The following GATA4 variants were observed in gnomAD, a reference collection of about 807,000 sequenced individuals.
GATA4 encodes the protein transcription factor GATA-4.
In GATA4, 7 loss-of-function variants were observed where a neutral mutation model predicts 37.9. That is an observed-to-expected ratio of 0.18 (90% CI 0.11 to 0.35). The LOEUF is 0.35. Among genes scored for constraint, GATA4 ranks in the 10% least tolerant of loss-of-function variants. The probability of loss-of-function intolerance (pLI) is 1.00; values close to 1 mark genes in which losing one functional copy is unlikely to be tolerated. For missense variants in GATA4, 647 were observed against 653.0 expected (o/e 0.99, Z 0.10); for synonymous variants, 372 against 292.6 (o/e 1.27, Z -2.77).
intron 2 of GATA4, among the ~76,000 whole-genome samples, chr8:11,715,677 G>C (rs898894132): frequency 1.3e-5 from 2 of 151,418 alleles, no homozygotes; most frequent in African/African-American, 4.9e-5. Flanking sequence ...GGAGTTGGAG[G>C]TTGCAGTGAG....
chr8:11,691,661 A>C (rs1799318667), upstream of GATA4, among the ~76,000 whole-genome samples: 1 of 152,172 alleles, frequency 6.6e-6, no homozygotes, highest in Non-Finnish European at 1.5e-5. Flanking sequence ...CTCTGGTGGC[A>C]GTCGTGGGAT....
chr8:11,710,143 G>A (rs62489320), intron 2 of GATA4, among the ~76,000 whole-genome samples: 2,906 of 152,252 alleles, frequency 0.019, 58 homozygotes, highest in African/African-American at 0.057. Flanking sequence ...GGCCCTGGGT[G>A]GCCAGGGAAG....
chr8:11,756,029 A>C (rs1315735917), intron 5 of GATA4, among the ~76,000 whole-genome samples: 1 of 151,832 alleles, frequency 6.6e-6, no homozygotes, highest in Non-Finnish European at 1.5e-5. Flanking sequence ...AAAATTATAT[A>C]TAAATTTCTG....
At chr8:11,693,562 C>CACAGAGAGAGAG (rs1405047773) in intron 1 of GATA4, among the ~76,000 whole-genome samples, 11 of 72,228 alleles carry the variant, frequency 1.5e-4, no homozygotes, top group South Asian at 7.2e-4. Context: ...CACACACACA[C>CACAGAGAGAGAG]AGAGAGAGAG....
Position 11,714,532 on chromosome 8 carries a change from C to T in GATA4, c.616+5604C>T, listed in dbSNP as rs533975897. Among the ~76,000 whole-genome samples the T allele has an allele frequency of 2.9e-4, 44 of 152,218 alleles. 1 individual carries two copies. In the South Asian group the frequency reaches 7.7e-3, roughly 27 times the overall value. Reference sequence around the variant, plus strand: ...GGAAAACCAAAGTTGTTTAACTTTCCGGTTACCACCCTGAGCAGGTCAGTC... The same window carrying T: ...GGAAAACCAAAGTTGTTTAACTTTCTGGTTACCACCCTGAGCAGGTCAGTC... On this transcript the variant is annotated intron_variant, in intron 2 of 6. Coordinates refer to ENST00000532059, the MANE Select transcript of GATA4 (RefSeq NM_001308093.3).
chr8:11,703,872 G>A (rs1167178028), upstream of GATA4, among the ~76,000 whole-genome samples: 9 of 152,310 alleles, frequency 5.9e-5, 1 homozygote, highest in African/African-American at 2.2e-4. Flanking sequence ...CCGCCGCTGC[G>A]GGATGAGGAC....
rs2130058371 is a variant in GATA4, at chr8:11,707,079, C to T, written c.-457-777C>T. On this transcript the variant is annotated intron_variant, in intron 1 of 6. Coordinates refer to ENST00000532059, the MANE Select transcript of GATA4 (RefSeq NM_001308093.3). This position sits in a 1 kb window ranked among gnomAD's most constrained non-coding sequence, Gnocchi z 4.7. ...TATTATTCTATATGAAGAACCCATT[C>T]AGTGAATTAGAATGGTCCAGTGGGT... Among the ~76,000 whole-genome samples the T allele has an allele frequency of 6.6e-6, 1 of 152,304 alleles. No individual in the cohort carries two copies. The highest frequency in any genetic ancestry group is 3.4e-3 in the Middle Eastern group (1 of 294).
At chr8:11,756,825 A>G in intron 5 of GATA4, 110 bp from the exon 6 acceptor site, 1 of 1,448,012 alleles carries the variant, frequency 6.9e-7, no homozygotes, top group Admixed American at 1.7e-5. Flanking sequence ...TGTCCCCGGC[A>G]AATGTAGATA....
At chr8:11,750,364 G>C in intron 4 of GATA4, 128 bp downstream of exon 4, 4 of 1,318,692 alleles carry the variant, frequency 3.0e-6, no homozygotes, top group Non-Finnish European at 4.2e-6. Flanking sequence ...ATTTGGAAGG[G>C]GCTTTCAACT....
At chr8:11,718,125 A>AT (rs1351961079) in intron 2 of GATA4, among the ~76,000 whole-genome samples, 1 of 152,204 alleles carries the variant, frequency 6.6e-6, no homozygotes, top group Non-Finnish European at 1.5e-5. Context: ...AATAATGATG[A>AT]TTTTAGTAAA....
intron 1 of GATA4, among the ~76,000 whole-genome samples, chr8:11,686,131 C>G (rs957000331): frequency 1.3e-5 from 2 of 151,850 alleles, no homozygotes; most frequent in African/African-American, 4.8e-5. Flanking sequence ...TGGGATGGAG[C>G]TGGGGGAGAG....
At chr8:11,742,983 G>GC (rs1392396572) in intron 2 of GATA4, among the ~76,000 whole-genome samples, 2 of 152,192 alleles carry the variant, frequency 1.3e-5, no homozygotes, top group African/African-American at 4.8e-5. Flanking sequence ...CTGGGGTCTG[G>GC]CCTTTTCCAA....
chr8:11,711,966 C>T (rs1445431259), intron 2 of GATA4, among the ~76,000 whole-genome samples: 1 of 152,008 alleles, frequency 6.6e-6, no homozygotes, highest in Non-Finnish European at 1.5e-5. Flanking sequence ...GTGGGAGGAG[C>T]ACAGGGTTTT....
intron 2 of GATA4, among the ~76,000 whole-genome samples, chr8:11,748,580 G>T (rs1056257433): frequency 6.6e-6 from 1 of 152,170 alleles, no homozygotes; most frequent in Non-Finnish European, 1.5e-5. Context: ...AGAGAGCAAG[G>T]TTTGCGTGGA....
At chr8:11,696,016 A>G (rs959915662) in intron 1 of GATA4, among the ~76,000 whole-genome samples, 7 of 152,208 alleles carry the variant, frequency 4.6e-5, no homozygotes, top group Non-Finnish European at 1.0e-4. Context: ...TGTACCAGGG[A>G]TGTGGACTCG....
At chr8:11,703,804 C>T (rs878903138), upstream of GATA4, among the ~76,000 whole-genome samples, 4 of 152,244 alleles carry the variant, frequency 2.6e-5, no homozygotes, top group Non-Finnish European at 5.9e-5. Context: ...GTGCCCCACA[C>T]AAGATCGAGA....
At position 11,709,324 on chromosome 8, in the gene GATA4, C is replaced by A. The variant is rs904890538; in HGVS notation, c.616+396C>A. ...GCTGGAGATTGCTGAGTTTCTGCGC[C>A]CCTTTCCTCCCCGCCCGCCCTCGGG... is the stretch of plus-strand genomic sequence containing the variant. On this transcript the variant is annotated intron_variant, in intron 2 of 6. Transcript: ENST00000532059. The surrounding 1 kb of genome is among the most constrained non-coding windows in gnomAD (Gnocchi z 4.3). Among the ~76,000 whole-genome samples, 1 of 152,208 alleles carries A rather than the reference C, an allele frequency of 6.6e-6. No individual in the cohort carries two copies. The highest frequency in any genetic ancestry group is 1.5e-5 in the Non-Finnish European group (1 of 68,030).
At chr8:11,698,048 C>A in intron 1 of GATA4, 1 of 980,012 alleles carries the variant, frequency 1.0e-6, no homozygotes, top group African/African-American at 1.7e-5. Context: ...TCGTCCCGGT[C>A]GGGTTCTCTC....
Position 11,749,973 on chromosome 8 carries a change from G to C in GATA4, c.787-138G>C. ...ACAGGAGAGTTAGGTGCCGTCACAG[G>C]TCAGAGATCTCATGCAGGGTCGTTA... is the stretch of plus-strand genomic sequence containing the variant. On this transcript the variant is annotated intron_variant, in intron 3 of 6. Coordinates refer to ENST00000532059, the MANE Select transcript of GATA4 (RefSeq NM_001308093.3). The surrounding 1 kb of genome is among the most constrained non-coding windows in gnomAD (Gnocchi z 4.6). 1 of 1,153,814 alleles carries C rather than the reference G, an allele frequency of 8.7e-7. No homozygotes were observed. Among genetic ancestry groups the C allele is most frequent in the Non-Finnish European group, 1.3e-6 (1 of 788,414 alleles). The allele number at this position is 1,153,814 out of a possible 1,614,324, so 71.5% of individuals were successfully genotyped here. A position where few individuals can be genotyped will look rare whatever the true frequency, so the allele number is the denominator to read the frequency against.
Sources: gnomAD v4.1 joint callset for allele counts (sites outside exome capture counted in the v4.1 genomes callset) on GRCh38, gnomAD v4.1.1 for gene constraint, Gnocchi (gnomAD v3.1) non-coding constraint, MANE v1.5 for transcripts, NCBI Gene and HGNC (gene_info 2026-07-23, HGNC 2026-07-21) for gene names.